XRRA1: variants seen among roughly 807,000 people sequenced by gnomAD.
XRRA1 encodes X-ray radiation resistance-associated protein 1.
A neutral mutation model predicts 80.2 loss-of-function variants in XRRA1; 69 were observed. The observed-to-expected ratio is 0.86, with a 90% CI of 0.71 to 1.05. The LOEUF is 1.05. Among genes scored for constraint, XRRA1 ranks in the 50% least tolerant of loss-of-function variants. The pLI is 0.00. For missense variants in XRRA1, 967 were observed against 976.4 expected, an observed-to-expected ratio of 0.99 and a Z score of 0.13; for synonymous variants, 348 against 389.9, an observed-to-expected ratio of 0.89 and a Z score of 1.27.
In XRRA1 at chr11:74,843,522, T is replaced by C. The variant is rs963564037; in HGVS notation, c.2150-69A>G. Reference sequence around the variant, plus strand: ...TCTCACCTAGCCAGAAGCAAGAGGATTGGGTCCAGAGACCCTTGGAAAATG... The same window carrying C: ...TCTCACCTAGCCAGAAGCAAGAGGACTGGGTCCAGAGACCCTTGGAAAATG... On this transcript the variant is annotated intron_variant, in intron 18 of 18. Transcript: ENST00000684022. The C allele has an allele frequency of 1.3e-5, 20 of 1,549,684 alleles. No homozygotes were observed. The African/African-American group carries it at 1.9e-4, about 15-fold the overall frequency.
Position 74,900,524 on chromosome 11 carries a change from G to A in XRRA1, c.1003+5715C>T, listed in dbSNP as rs551543926. On this transcript the variant is annotated intron_variant, in intron 10 of 18. Coordinates refer to ENST00000684022, the MANE Select transcript of XRRA1 (RefSeq NM_001378157.1). ...TTGAACCTGGGAGGTGGAGGCTGCG[G>A]TGAGCCAAGATCGTGCCATTGCACT... Among the ~76,000 whole-genome samples, 24 of 152,290 alleles carry A rather than the reference G, an allele frequency of 1.6e-4. No homozygotes were observed. The South Asian group carries it at 3.9e-3, about 25-fold the overall frequency.
At chr11:74,933,685 G>T in intron 5 of XRRA1, 116 bp downstream of exon 5, 1 of 843,958 alleles carries the variant, frequency 1.2e-6, no homozygotes, top group Non-Finnish European at 1.9e-6. Flanking sequence ...CTCCTTCTTC[G>T]TGACCAGATT....
intron 1 of XRRA1, among the ~76,000 whole-genome samples, 151 bp from the exon 2 acceptor site, chr11:74,945,236 A>G (rs1441974677): frequency 4.6e-5 from 7 of 152,230 alleles, no homozygotes; most frequent in Admixed American, 4.6e-4. Context: ...AAACAGATAG[A>G]TACCAATACA....
intron 7 of XRRA1, among the ~76,000 whole-genome samples, chr11:74,925,768 G>A (rs891024272): frequency 2.0e-5 from 3 of 152,170 alleles, no homozygotes; most frequent in Non-Finnish European, 4.4e-5. Flanking sequence ...CTATAGTCAT[G>A]TCTCCTCCCT....
In XRRA1 at chr11:74,903,286, G is replaced by C. The variant is rs141580833; in HGVS notation, c.1003+2953C>G. Among the ~76,000 whole-genome samples the C allele has an allele frequency of 1.2e-4, 19 of 152,270 alleles. No homozygotes were observed. In the East Asian group the frequency reaches 3.7e-3, roughly 29 times the overall value. ...GGTATATGCAAAAGATGTTCACAAG[G>C]TTGTTCATTGTAGCACCATTTGTAG... On this transcript the variant is annotated intron_variant, in intron 10 of 18. Coordinates refer to ENST00000684022, the MANE Select transcript of XRRA1 (RefSeq NM_001378157.1).
intron 12 of XRRA1, among the ~76,000 whole-genome samples, chr11:74,855,779 T>C (rs2040944108): frequency 6.6e-6 from 1 of 152,340 alleles, no homozygotes; most frequent in East Asian, 1.9e-4. Context: ...ATTTTGAAGT[T>C]TGTAACTTTA....
At chr11:74,924,241 C>A (rs185129146) in intron 7 of XRRA1, among the ~76,000 whole-genome samples, 1 of 145,652 alleles carries the variant, frequency 6.9e-6, no homozygotes. Context: ...TTTGGGAGGC[C>A]GAGACGGGCA....
chr11:74,855,284 T>G (rs1379630542), intron 12 of XRRA1, among the ~76,000 whole-genome samples: 1 of 151,464 alleles, frequency 6.6e-6, no homozygotes, highest in Non-Finnish European at 1.5e-5. Flanking sequence ...AATCAAGGGG[T>G]CAAGAGACAA....
At chr11:74,938,614 A>C (rs1409788952) in intron 3 of XRRA1, among the ~76,000 whole-genome samples, 1 of 152,208 alleles carries the variant, frequency 6.6e-6, no homozygotes, top group Non-Finnish European at 1.5e-5. Flanking sequence ...CTGTGATGGT[A>C]TTTTGTAGAT....
chr11:74,870,174 C>T (rs2044443041), intron 10 of XRRA1, among the ~76,000 whole-genome samples: 1 of 152,214 alleles, frequency 6.6e-6, no homozygotes, highest in Non-Finnish European at 1.5e-5. Context: ...AGACAACAGG[C>T]TTGCTCGGGA....
At chr11:74,914,029 G>C (rs1220914862) in intron 8 of XRRA1, among the ~76,000 whole-genome samples, 1 of 151,818 alleles carries the variant, frequency 6.6e-6, no homozygotes, top group Non-Finnish European at 1.5e-5. Context: ...CTGTCGCCTG[G>C]GGTTGGAGTG....
At chr11:74,871,415 C>G (rs1311207176) in intron 10 of XRRA1, among the ~76,000 whole-genome samples, 1 of 152,172 alleles carries the variant, frequency 6.6e-6, no homozygotes, top group Admixed American at 6.5e-5. Flanking sequence ...TAGCCTGCAC[C>G]CCGCTCAAGT....
At position 74,940,875 on chromosome 11, in the gene XRRA1, C is replaced by G; in HGVS notation, c.4G>C (p.Ala2Pro). The change falls in exon 3 of 19, where the codon GCC becomes CCC. Residue 2 changes from alanine to proline, a missense_variant. Coordinates refer to ENST00000684022, the MANE Select transcript of XRRA1 (RefSeq NM_001378157.1). Reference sequence around the variant, plus strand: ...TCCAGCTTGTAGATTCCTGAGAAGGCCATCTCCCTGAGAGCCAGGCAAGGA... The same window carrying G: ...TCCAGCTTGTAGATTCCTGAGAAGGGCATCTCCCTGAGAGCCAGGCAAGGA... M[A>P]FSGIYKLDDG... 1 of 1,606,284 alleles carries G rather than the reference C, an allele frequency of 6.2e-7. No individual in the cohort carries two copies. The highest frequency in any genetic ancestry group is 8.5e-7 in the Non-Finnish European group (1 of 1,176,378).
At chr11:74,868,781 G>A (rs138426459) in intron 10 of XRRA1, among the ~76,000 whole-genome samples, 1 of 151,306 alleles carries the variant, frequency 6.6e-6, no homozygotes, top group Non-Finnish European at 1.5e-5. Context: ...TAATGGTAAA[G>A]AGCTCAATTC....
rs11236272 is a variant in XRRA1, at chr11:74,948,323, T to A, written c.-73+605A>T. Among the ~76,000 whole-genome samples, 812 of 150,444 alleles carry A rather than the reference T, an allele frequency of 5.4e-3. 8 individuals carry two copies. The highest frequency in any genetic ancestry group is 0.019 in the African/African-American group (758 of 40,122). On this transcript the variant is annotated intron_variant, in intron 1 of 18. Transcript: ENST00000684022. ...GTACAATATTGGTGCTCAATATACA[T>A]TTGTGAAAAAAATTAATTAAAATAC...
intron 10 of XRRA1, among the ~76,000 whole-genome samples, chr11:74,893,766 G>A (rs2051465604): frequency 6.6e-6 from 1 of 152,180 alleles, no homozygotes; most frequent in South Asian, 2.1e-4. Flanking sequence ...CAAAGTTGTG[G>A]AGTAAAGGGA....
At chr11:74,941,985 T>C (rs1946418882) in intron 2 of XRRA1, among the ~76,000 whole-genome samples, 1 of 151,984 alleles carries the variant, frequency 6.6e-6, no homozygotes, top group Non-Finnish European at 1.5e-5. Flanking sequence ...CAGTGGTACA[T>C]GCCTGTGGTC....
chr11:74,845,348 TGTGC>T (rs2037799050), intron 15 of XRRA1, 77 bp from the exon 16 acceptor site: 1 of 1,460,472 alleles, frequency 6.8e-7, no homozygotes, highest in African/African-American at 1.4e-5. Flanking sequence ...GTATCATCTC[TGTGC>T]TGGTCTCTGC....
At chr11:74,943,781 A>C (rs1446287417) in intron 2 of XRRA1, among the ~76,000 whole-genome samples, 1 of 152,070 alleles carries the variant, frequency 6.6e-6, no homozygotes, top group Non-Finnish European at 1.5e-5. Context: ...AACACCTGAG[A>C]ATCAGATTCA....
Sources: allele counts gnomAD v4.1 joint callset (sites outside exome capture counted in the v4.1 genomes callset), GRCh38; gene constraint gnomAD v4.1.1; transcripts MANE v1.5; gene names NCBI Gene and HGNC (gene_info 2026-07-23, HGNC 2026-07-21).